Variants in RNF216 observed in about 807,000 individuals in gnomAD.
RNF216 encodes the protein ring finger protein 216.
A neutral mutation model predicts 110.8 loss-of-function variants in RNF216; 72 were observed. The observed-to-expected ratio is 0.65, with a 90% CI of 0.54 to 0.79. RNF216 has a LOEUF of 0.79. RNF216 is among the 30% of genes least tolerant of loss of function. The probability of loss-of-function intolerance (pLI) is 0.00; values close to 1 mark genes in which losing one functional copy is unlikely to be tolerated. For synonymous variants in RNF216, 495 were observed against 407.5 expected, an observed-to-expected ratio of 1.21 and a Z score of -2.59; for missense variants, 1,342 against 1,141.2, an observed-to-expected ratio of 1.18 and a Z score of -2.54.
Position 5,624,439 on chromosome 7 carries a change from A to C in RNF216, c.2383-314T>G, listed in dbSNP as rs998733261. The stretch of plus-strand genomic sequence containing the variant: ...ACTGAGCTGCGTGCAAGTGGTGGAT[A>C]TGAGAAGGGTTTGGAGAGGGCTGGG... On this transcript the variant is annotated intron_variant, in intron 15 of 16. Transcript: ENST00000389902. This position sits in a 1 kb window ranked among gnomAD's most constrained non-coding sequence, Gnocchi z 4.4. Among the ~76,000 whole-genome samples, 2 of 152,200 alleles carry C rather than the reference A, an allele frequency of 1.3e-5. No individual in the cohort carries two copies. The highest frequency in any genetic ancestry group is 2.4e-5 in the African/African-American group (1 of 41,462).
chr7:5,671,607 A>G (rs1321440913), intron 13 of RNF216, among the ~76,000 whole-genome samples: 1 of 152,162 alleles, frequency 6.6e-6, no homozygotes, highest in Non-Finnish European at 1.5e-5. Context: ...GTTCGAGACC[A>G]GCCTGACCAA....
chr7:5,642,257 G>T (rs572157154), intron 14 of RNF216, among the ~76,000 whole-genome samples: 1 of 150,292 alleles, frequency 6.7e-6, no homozygotes, highest in Non-Finnish European at 1.5e-5. Flanking sequence ...CTGTCACCTA[G>T]CCTGGGGCAC....
At chr7:5,754,031 A>C (rs1395279405) in intron 2 of RNF216, among the ~76,000 whole-genome samples, 2 of 151,946 alleles carry the variant, frequency 1.3e-5, no homozygotes, top group Non-Finnish European at 2.9e-5. Flanking sequence ...ACCTAAAAGA[A>C]GAGAAGAAGA....
At chr7:5,651,673 G>A (rs1788398789) in intron 14 of RNF216, among the ~76,000 whole-genome samples, 2 of 151,106 alleles carry the variant, frequency 1.3e-5, no homozygotes, top group Admixed American at 6.6e-5. Flanking sequence ...TTTTTGAGAC[G>A]GAGTCTCGCT....
At chr7:5,682,085 G>GT (rs1790688330) in intron 13 of RNF216, among the ~76,000 whole-genome samples, 1 of 152,224 alleles carries the variant, frequency 6.6e-6, no homozygotes, top group Admixed American at 6.5e-5. Context: ...TTGCAGACCT[G>GT]TCCACTCAGC....
At chr7:5,712,025 A>G (rs1234676240) in intron 12 of RNF216, 186 bp from the exon 13 acceptor site, 3 of 588,806 alleles carry the variant, frequency 5.1e-6, no homozygotes, top group South Asian at 4.3e-5. Flanking sequence ...ATCAGGAAAC[A>G]TAAGCACCAC....
At chr7:5,697,017 C>G (rs537352806) in intron 13 of RNF216, among the ~76,000 whole-genome samples, 20 of 152,314 alleles carry the variant, frequency 1.3e-4, no homozygotes, top group African/African-American at 4.3e-4. Flanking sequence ...GGGGAAGTCT[C>G]CAAAATAAAA....
chr7:5,635,799 T>A (rs1787363016), intron 15 of RNF216, among the ~76,000 whole-genome samples: 1 of 152,252 alleles, frequency 6.6e-6, no homozygotes, highest in African/African-American at 2.4e-5. Context: ...TGTATTAACA[T>A]CTATAAATGT....
chr7:5,631,209 G>C (rs930972479), intron 15 of RNF216, among the ~76,000 whole-genome samples: 1 of 152,098 alleles, frequency 6.6e-6, no homozygotes, highest in African/African-American at 2.4e-5. Context: ...AATTTTTAGG[G>C]AACAATCCTC....
At chr7:5,641,982 G>A (rs976215821) in intron 14 of RNF216, among the ~76,000 whole-genome samples, 1 of 143,570 alleles carries the variant, frequency 7.0e-6, no homozygotes, top group Non-Finnish European at 1.5e-5. Context: ...GCAGTGAGCT[G>A]AGACCGTGTC....
intron 14 of RNF216, among the ~76,000 whole-genome samples, chr7:5,646,705 A>AT (rs1562786092): frequency 6.6e-6 from 1 of 151,440 alleles, no homozygotes; most frequent in Non-Finnish European, 1.5e-5. Context: ...AAAAAAAAAA[A>AT]GAAAGTTATT....
At chr7:5,773,631 G>T (rs781059493) in intron 1 of RNF216, among the ~76,000 whole-genome samples, 29 of 151,496 alleles carry the variant, frequency 1.9e-4, no homozygotes, top group African/African-American at 7.0e-4. Flanking sequence ...GCAGTGGCAC[G>T]ATCTCAGCTC....
At chr7:5,727,902 G>A (rs1214073137) in intron 7 of RNF216, among the ~76,000 whole-genome samples, 2 of 150,964 alleles carry the variant, frequency 1.3e-5, no homozygotes, top group African/African-American at 4.9e-5. Context: ...TCCATATGCT[G>A]ATGACTCTCA....
Position 5,705,637 on chromosome 7 carries a change from C to A in RNF216, c.2061+6124G>T, listed in dbSNP as rs558458125. Among the ~76,000 whole-genome samples, 597 of 152,154 alleles carry A rather than the reference C, an allele frequency of 3.9e-3. 4 individuals are homozygous for A. The highest frequency in any genetic ancestry group is 0.014 in the African/African-American group (585 of 41,524). ...AAAAAAAACTGCGGTAGGCTGGGCA[C>A]GGTGGCTCACCCTGTAATCCCAGCA... On this transcript the variant is annotated intron_variant, in intron 13 of 16. Transcript: ENST00000389902.
chr7:5,721,271 C>G (rs1270005036), intron 8 of RNF216, 99 bp from the exon 9 acceptor site: 2 of 1,042,140 alleles, frequency 1.9e-6, no homozygotes, highest in East Asian at 2.4e-5. Context: ...TCCACCTTCT[C>G]TCTGATGGTA....
At chr7:5,778,332 A>G (rs1796895199) in intron 1 of RNF216, among the ~76,000 whole-genome samples, 1 of 152,062 alleles carries the variant, frequency 6.6e-6, no homozygotes, top group Non-Finnish European at 1.5e-5. Context: ...AACTCTATTC[A>G]TTGTTCGGTT....
intron 8 of RNF216, among the ~76,000 whole-genome samples, chr7:5,722,242 A>T (rs1321854549): frequency 1.3e-5 from 2 of 151,852 alleles, no homozygotes; most frequent in Non-Finnish European, 2.9e-5. Context: ...TTTTTCTAGA[A>T]AACTTTATCT....
intron 2 of RNF216, among the ~76,000 whole-genome samples, chr7:5,758,695 C>T (rs546629762): frequency 7.9e-5 from 12 of 152,238 alleles, no homozygotes; most frequent in South Asian, 4.1e-4. Flanking sequence ...CAATTTCTCC[C>T]TTTTGGAACA....
chr7:5,683,291 C>A (rs773262303), intron 13 of RNF216, among the ~76,000 whole-genome samples: 1 of 151,998 alleles, frequency 6.6e-6, no homozygotes, highest in African/African-American at 2.4e-5. Flanking sequence ...AAAGACCTTG[C>A]TGGATTTTGT....
Sources: gnomAD v4.1 joint callset for allele counts (sites outside exome capture counted in the v4.1 genomes callset) on GRCh38, gnomAD v4.1.1 for gene constraint, Gnocchi (gnomAD v3.1) non-coding constraint, MANE v1.5 for transcripts, NCBI Gene and HGNC (gene_info 2026-07-23, HGNC 2026-07-21) for gene names.